The following MSRA variants were observed in gnomAD, a reference collection of about 807,000 sequenced individuals.
MSRA encodes the protein methionine sulfoxide reductase A.
In MSRA, 54 loss-of-function variants were observed where a neutral mutation model predicts 31.3. The observed-to-expected ratio is 1.73, with a 90% CI of 1.39 to 2.17. The LOEUF (loss-of-function observed/expected upper bound fraction) is 2.17, where lower values mean the gene tolerates loss of function less well. Ranked by LOEUF, MSRA falls within the 30% of genes most tolerant of loss-of-function variation. MSRA has a pLI of 0.00. For synonymous variants in MSRA, 169 were observed against 116.5 expected (o/e 1.45, Z -2.90); for missense variants, 507 against 300.9 (o/e 1.69, Z -5.07).
intron 2 of MSRA, among the ~76,000 whole-genome samples, chr8:10,241,680 A>G (rs1812427479): frequency 6.6e-6 from 1 of 152,204 alleles, no homozygotes; most frequent in Non-Finnish European, 1.5e-5. Flanking sequence ...TTGAGCACCC[A>G]TCAATGCTAA....
At chr8:10,347,237 C>T (rs968606852) in intron 5 of MSRA, among the ~76,000 whole-genome samples, 2 of 152,126 alleles carry the variant, frequency 1.3e-5, no homozygotes, top group African/African-American at 2.4e-5. Context: ...TAGTAAATAC[C>T]GATTAAACAA....
intron 5 of MSRA, among the ~76,000 whole-genome samples, chr8:10,321,653 A>C (rs554387093): frequency 2.0e-5 from 3 of 152,216 alleles, no homozygotes; most frequent in Non-Finnish European, 4.4e-5. Context: ...AGGTCATTAA[A>C]AGATTGTGGC....
At position 10,240,754 on chromosome 8, in the gene MSRA, C is replaced by CG. The variant is rs531333593; in HGVS notation, c.212-4350_212-4349insG. Among the ~76,000 whole-genome samples the CG allele has an allele frequency of 2.1e-4, 32 of 152,248 alleles. No homozygotes were observed. In the East Asian group the frequency reaches 6.2e-3, roughly 30 times the overall value. On this transcript the variant is annotated intron_variant, in intron 2 of 5. Coordinates refer to ENST00000317173, the MANE Select transcript of MSRA (RefSeq NM_012331.5). The stretch of plus-strand genomic sequence containing the variant: ...CTTACCCCTGTCTTTCCTGGCCACT[C>CG]TAGAGTAAGGCTGCAGTGGAGCTGC...
chr8:10,141,241 G>A (rs1434971484), intron 1 of MSRA, among the ~76,000 whole-genome samples: 4 of 152,100 alleles, frequency 2.6e-5, no homozygotes, highest in Non-Finnish European at 4.4e-5. Context: ...TGTGTGCCTC[G>A]CCCCTCACGC....
At chr8:10,330,877 A>C (rs1180908464) in intron 5 of MSRA, among the ~76,000 whole-genome samples, 3 of 152,070 alleles carry the variant, frequency 2.0e-5, no homozygotes. Context: ...TGTCCCCCCA[A>C]ATTCATATGT....
At chr8:10,381,209 T>C (rs1806049307) in intron 5 of MSRA, among the ~76,000 whole-genome samples, 1 of 152,150 alleles carries the variant, frequency 6.6e-6, no homozygotes, top group Non-Finnish European at 1.5e-5. Context: ...TCCTTTTTCT[T>C]CTTCCCACCA....
chr8:10,347,518 C>T (rs961807822), intron 5 of MSRA, among the ~76,000 whole-genome samples: 2 of 152,180 alleles, frequency 1.3e-5, no homozygotes, highest in Non-Finnish European at 2.9e-5. Context: ...GCATTTCTGT[C>T]CCATTTCTTT....
chr8:10,224,309 T>G (rs1810797900), intron 2 of MSRA, among the ~76,000 whole-genome samples: 1 of 152,178 alleles, frequency 6.6e-6, no homozygotes, highest in Admixed American at 6.5e-5. Context: ...GTTAGAATGA[T>G]TGCTCCAGCC....
chr8:10,090,769 T>C (rs899611767), intron 1 of MSRA, among the ~76,000 whole-genome samples: 1 of 152,222 alleles, frequency 6.6e-6, no homozygotes, highest in Non-Finnish European at 1.5e-5. Context: ...ACCTTTCATA[T>C]ATATAGAATC....
intron 5 of MSRA, among the ~76,000 whole-genome samples, chr8:10,343,954 T>C (rs1803607620): frequency 1.3e-5 from 2 of 152,166 alleles, no homozygotes; most frequent in African/African-American, 4.8e-5. Context: ...TCTTGCTGAG[T>C]GTCTTTCTGG....
intron 5 of MSRA, among the ~76,000 whole-genome samples, chr8:10,370,397 G>A (rs760216882): frequency 2.0e-5 from 3 of 152,184 alleles, no homozygotes; most frequent in Non-Finnish European, 4.4e-5. Flanking sequence ...GCATACGGGC[G>A]GCCAGTGAAG....
At chr8:10,273,090 T>A (rs1463880375) in intron 3 of MSRA, among the ~76,000 whole-genome samples, 4 of 152,214 alleles carry the variant, frequency 2.6e-5, no homozygotes, top group Non-Finnish European at 4.4e-5. Context: ...AAACAAAAGC[T>A]ATTCACATGC....
chr8:10,243,274 T>C (rs1370380571), intron 2 of MSRA, among the ~76,000 whole-genome samples: 1 of 152,136 alleles, frequency 6.6e-6, no homozygotes, highest in Admixed American at 6.6e-5. Context: ...GTGGGCTGCC[T>C]TCTGCCTGGT....
intron 1 of MSRA, chr8:10,095,757 C>G (rs1799111788): frequency 8.7e-7 from 1 of 1,145,470 alleles, no homozygotes; most frequent in African/African-American, 1.6e-5. Context: ...GTCTCTTGGG[C>G]TATTTGAAAG....
At chr8:10,389,764 C>T (rs377506281) in intron 5 of MSRA, among the ~76,000 whole-genome samples, 128 of 118,194 alleles carry the variant, frequency 1.1e-3, no homozygotes, top group Middle Eastern at 6.0e-3. Flanking sequence ...TTTTTAAAGT[C>T]TTTTTTTTTT....
intron 1 of MSRA, among the ~76,000 whole-genome samples, chr8:10,204,600 G>C (rs1054061473): frequency 6.6e-6 from 1 of 152,220 alleles, no homozygotes; most frequent in Non-Finnish European, 1.5e-5. Flanking sequence ...TAGGTGTGTA[G>C]TTGGCTCTAC....
At chr8:10,078,481 C>T (rs1489610229) in intron 1 of MSRA, among the ~76,000 whole-genome samples, 1 of 152,252 alleles carries the variant, frequency 6.6e-6, no homozygotes, top group Non-Finnish European at 1.5e-5. Context: ...GGGACTCTGC[C>T]CTCAGGCACC....
At chr8:10,407,312 G>A (rs1025852275) in intron 5 of MSRA, among the ~76,000 whole-genome samples, 4 of 152,234 alleles carry the variant, frequency 2.6e-5, no homozygotes, top group African/African-American at 4.8e-5. Context: ...CCTGGGCAGG[G>A]TGAGGTAGAT....
At chr8:10,062,340 G>T (rs1056915513) in intron 1 of MSRA, among the ~76,000 whole-genome samples, 1 of 152,238 alleles carries the variant, frequency 6.6e-6, no homozygotes, top group Non-Finnish European at 1.5e-5. Context: ...CAGGATGTCA[G>T]TGCATGATGA....
Sources: gnomAD v4.1 joint callset for allele counts (sites outside exome capture counted in the v4.1 genomes callset) on GRCh38, gnomAD v4.1.1 for gene constraint, MANE v1.5 for transcripts, NCBI Gene and HGNC (gene_info 2026-07-23, HGNC 2026-07-21) for gene names.